Variants in RRP1B observed in about 807,000 individuals in gnomAD.
RRP1B encodes ribosomal RNA processing 1B.
A neutral mutation model predicts 80.2 loss-of-function variants in RRP1B; 56 were observed. The observed-to-expected ratio is 0.70, with a 90% CI of 0.56 to 0.87. The LOEUF (loss-of-function observed/expected upper bound fraction) is 0.87. Ranked by LOEUF, RRP1B falls within the 40% of genes least tolerant of loss-of-function variation. The pLI is 0.00. For synonymous variants in RRP1B, 351 were observed against 357.6 expected (o/e 0.98, Z 0.21); for missense variants, 807 against 939.8 (o/e 0.86, Z 1.85).
rs150529292 is a variant in RRP1B, at chr21:43,676,857, G to A, written c.739G>A (p.Glu247Lys). ...TKVGDGDLSAEEIPENEVSLR... is the reference protein window; with the variant it reads ...TKVGDGDLSAKEIPENEVSLR... ...AGTGGGTGATGGTGACCTCTCTGCT[G>A]AGGAGATACCTGAAAATGAGGTATC... The change falls in exon 8 of 16, where the codon GAG (glutamate) becomes AAG (lysine). Residue 247 changes from glutamate (E) to lysine (K), a missense_variant. Coordinates refer to ENST00000340648, the MANE Select transcript of RRP1B (RefSeq NM_015056.3). The A allele has an allele frequency of 6.4e-4, 1,033 of 1,614,270 alleles. 2 individuals are homozygous for A. The highest frequency in any genetic ancestry group is 2.3e-3 in the Middle Eastern group (14 of 6,062).
intron 10 of RRP1B, 96 bp from the exon 11 acceptor site, chr21:43,685,674 A>G: frequency 1.1e-6 from 1 of 933,054 alleles, no homozygotes; most frequent in Non-Finnish European, 1.5e-6. Context: ...CTTGTATTTT[A>G]AAAATCAAAT....
intron 3 of RRP1B, 75 bp downstream of exon 3, chr21:43,672,440 T>C: frequency 7.9e-7 from 1 of 1,270,100 alleles, no homozygotes; most frequent in Non-Finnish European, 1.2e-6. Context: ...TGTGCCGGTA[T>C]TGTGTAGATG....
Position 43,683,830 on chromosome 21 carries a change from T to C in RRP1B, c.891+457T>C, listed in dbSNP as rs1235686188. 2.6e-5 allele frequency among the ~76,000 whole-genome samples: 4 copies of C among 151,902 alleles called. No homozygotes were observed. In the East Asian group the frequency reaches 7.9e-4, roughly 30 times the overall value. On this transcript the variant is annotated intron_variant, in intron 9 of 15. Transcript: ENST00000340648. Reference sequence around the variant, plus strand: ...CCCGTCTCTACTAAAAATACAAAAATTAGCCCGACACCGTGGCGCACGCCT... The same window carrying C: ...CCCGTCTCTACTAAAAATACAAAAACTAGCCCGACACCGTGGCGCACGCCT...
chr21:43,690,742 A>G (rs370007372), intron 14 of RRP1B, among the ~76,000 whole-genome samples: 1 of 152,242 alleles, frequency 6.6e-6, no homozygotes, highest in Non-Finnish European at 1.5e-5. Flanking sequence ...AGTGTTAAAC[A>G]CAAGTGGTGC....
At position 43,691,836 on chromosome 21, in the gene RRP1B, G is replaced by A. The variant is rs1737553254; in HGVS notation, c.2083+334G>A. Among the ~76,000 whole-genome samples, 1 of 152,026 alleles carries A rather than the reference G, an allele frequency of 6.6e-6. No homozygotes were observed. The highest frequency in any genetic ancestry group is 2.4e-5 in the African/African-American group (1 of 41,396). ...TAATTTTTGTATTTTTAGTAAAGATGGAGTTTCACCATGTCAGCCAGGCTG... is the reference window on the plus strand; with the variant it reads ...TAATTTTTGTATTTTTAGTAAAGATAGAGTTTCACCATGTCAGCCAGGCTG... On this transcript the variant is annotated intron_variant, in intron 15 of 15. Transcript: ENST00000340648. The surrounding 1 kb of genome is among the most constrained non-coding windows in gnomAD (Gnocchi z 4.2).
At chr21:43,664,773 G>A (rs1003400782) in intron 1 of RRP1B, among the ~76,000 whole-genome samples, 1 of 152,200 alleles carries the variant, frequency 6.6e-6, no homozygotes, top group Non-Finnish European at 1.5e-5. Flanking sequence ...ATGGCAGACA[G>A]CAAAGGAGAA....
chr21:43,674,526 G>C, intron 4 of RRP1B, 110 bp from the exon 5 acceptor site: 1 of 770,342 alleles, frequency 1.3e-6, no homozygotes, highest in Middle Eastern at 3.7e-4. Flanking sequence ...TGGGATCCAG[G>C]CCATAACAAT....
intron 10 of RRP1B, among the ~76,000 whole-genome samples, chr21:43,685,349 C>T (rs150807318): frequency 1.3e-5 from 2 of 152,332 alleles, no homozygotes; most frequent in Admixed American, 6.5e-5. Context: ...CGCTTCGATG[C>T]GTCTTGTTTG....
intron 8 of RRP1B, among the ~76,000 whole-genome samples, chr21:43,681,279 GAT>G (rs1225849556): frequency 3.0e-5 from 4 of 134,456 alleles, no homozygotes; most frequent in African/African-American, 1.5e-4. Context: ...TAGATAGATA[GAT>G]AGATAGATAG....
Position 43,693,169 on chromosome 21 carries a change from C to A in RRP1B, c.2084-21C>A. On this transcript the variant is annotated intron_variant, in intron 15 of 15. Transcript: ENST00000340648. The surrounding 1 kb of genome is among the most constrained non-coding windows in gnomAD (Gnocchi z 4.1). ...GCTGTCGGACCCACTTAATATGGGG[C>A]CTTGCTCTCATTTGGGACAGAATTC... 1 of 1,613,282 alleles carries A rather than the reference C, an allele frequency of 6.2e-7. No homozygotes were observed. Among genetic ancestry groups the A allele is most frequent in the Non-Finnish European group, 8.5e-7 (1 of 1,179,626 alleles).
chr21:43,683,106 C>G (rs976558932), intron 8 of RRP1B, among the ~76,000 whole-genome samples, 173 bp from the exon 9 acceptor site: 2 of 152,202 alleles, frequency 1.3e-5, no homozygotes, highest in Admixed American at 1.3e-4. Flanking sequence ...TTCCTGGCCT[C>G]AAGTGATCCA....
chr21:43,673,182 C>T (rs531989218), intron 3 of RRP1B, among the ~76,000 whole-genome samples: 1 of 152,026 alleles, frequency 6.6e-6, no homozygotes, highest in East Asian at 1.9e-4. Flanking sequence ...TTGTGAGGTA[C>T]CAGTGCAGTA....
chr21:43,693,644 A>T lies in RRP1B; in HGVS notation c.*261A>T, dbSNP rs755804394. 1 of 392,204 alleles carries T rather than the reference A, an allele frequency of 2.5e-6. No individual in the cohort carries two copies. The highest frequency in any genetic ancestry group is 4.2e-5 in the South Asian group (1 of 23,756). 24.3% of individuals were successfully genotyped at this position (392,204 alleles called of 1,614,324 possible). A position where few individuals can be genotyped will look rare whatever the true frequency, so the allele number is the denominator to read the frequency against. On this transcript the variant is annotated 3_prime_UTR_variant, in exon 16 of 16. Coordinates refer to ENST00000340648, the MANE Select transcript of RRP1B (RefSeq NM_015056.3). The surrounding 1 kb of genome is among the most constrained non-coding windows in gnomAD (Gnocchi z 4.1). ...TTTTTGGGTAACCTCAGTGATTCCCATTGGTGTAGGAAATGAGACCCTCTC... is the reference window on the plus strand; with the variant it reads ...TTTTTGGGTAACCTCAGTGATTCCCTTTGGTGTAGGAAATGAGACCCTCTC...
At position 43,659,835 on chromosome 21, in the gene RRP1B, C is replaced by G; in HGVS notation, c.130+41C>G. The G allele has an allele frequency of 6.8e-7, 1 of 1,477,352 alleles. No individual in the cohort carries two copies. The highest frequency in any genetic ancestry group is 2.8e-5 in the East Asian group (1 of 35,286). The allele number at this position is 1,477,352 out of a possible 1,614,324, so 91.5% of individuals were successfully genotyped here. ...CGGTCAGCCGCGCCACATGGCGGGC[C>G]GGGGGCCGGGGCTGGGGCTAGGGCC... On this transcript the variant is annotated intron_variant, in intron 1 of 15. Coordinates refer to ENST00000340648, the MANE Select transcript of RRP1B (RefSeq NM_015056.3). The surrounding 1 kb of genome is among the most constrained non-coding windows in gnomAD (Gnocchi z 4.2).
chr21:43,687,886 C>T lies in RRP1B; in HGVS notation c.1512C>T (p.Gly504=). The change falls in exon 13 of 16, where the codon GGC becomes GGT. Residue 504 remains glycine, a synonymous_variant. Coordinates refer to ENST00000340648, the MANE Select transcript of RRP1B (RefSeq NM_015056.3). ...PEDMSQSGPS[G]SHPQGPRGSP... ...ACATGTCTCAGAGTGGCCCGAGTGG[C>T]AGTCATCCTCAGGGACCTAGAGGGT... is the stretch of plus-strand genomic sequence containing the variant. 6.2e-7 allele frequency: 1 copy of T among 1,613,276 alleles called. No homozygotes were observed. Among genetic ancestry groups the T allele is most frequent in the East Asian group, 2.2e-5 (1 of 44,890 alleles).
intron 10 of RRP1B, among the ~76,000 whole-genome samples, chr21:43,685,369 A>G (rs2083059098): frequency 6.6e-6 from 1 of 152,236 alleles, no homozygotes; most frequent in South Asian, 2.1e-4. Flanking sequence ...GTTCTAATGC[A>G]CAAAAATTGT....
chr21:43,659,741 G>T lies in RRP1B; in HGVS notation c.77G>T (p.Arg26Leu). The T allele has an allele frequency of 6.5e-7, 1 of 1,530,718 alleles. No homozygotes were observed. The highest frequency in any genetic ancestry group is 1.2e-5 in the South Asian group (1 of 81,890). 94.8% of individuals were successfully genotyped at this position (1,530,718 alleles called of 1,614,324 possible). The change falls in exon 1 of 16, where the codon CGA becomes CTA. Residue 26 changes from arginine to leucine, a missense_variant. Physicochemically the swap from Arg to Leu is moderately radical, Grantham distance 102 (BLOSUM62 -2). Transcript: ENST00000340648. This position sits in a 1 kb window ranked among gnomAD's most constrained non-coding sequence, Gnocchi z 4.2. The part of the protein sequence containing the change: ...LASSEKGIRD[R>L]AVKKLRQYIS... ...TCCAGCGAGAAGGGCATCCGGGACC[G>T]AGCGGTGAAGAAGCTGCGCCAGTAC...
intron 1 of RRP1B, among the ~76,000 whole-genome samples, chr21:43,663,661 G>A (rs965126068): frequency 1.3e-5 from 2 of 152,046 alleles, no homozygotes; most frequent in Non-Finnish European, 2.9e-5. Context: ...AGGTTCAAGC[G>A]ATTATCCTGC....
intron 6 of RRP1B, 41 bp downstream of exon 6, chr21:43,675,204 C>T (rs776931147): frequency 9.4e-6 from 15 of 1,600,246 alleles, no homozygotes; most frequent in Middle Eastern, 1.9e-4. Context: ...GTGAGGGGGC[C>T]GCCAGTGTTC....
Sources: allele counts gnomAD v4.1 joint callset (sites outside exome capture counted in the v4.1 genomes callset), GRCh38; gene constraint gnomAD v4.1.1; non-coding constraint Gnocchi (gnomAD v3.1); transcripts MANE v1.5; gene names NCBI Gene and HGNC (gene_info 2026-07-23, HGNC 2026-07-21).